CENPF: variants seen among roughly 807,000 people sequenced by gnomAD.
CENPF encodes centromere protein F, also known as AH antigen.
In CENPF, 214 loss-of-function variants were observed where a neutral mutation model predicts 307.3. The observed-to-expected ratio is 0.70, with a 90% CI of 0.62 to 0.78. The LOEUF (loss-of-function observed/expected upper bound fraction) is 0.78. Among genes scored for constraint, CENPF ranks in the 30% least tolerant of loss-of-function variants. The pLI is 0.00. For missense variants in CENPF, 3,401 were observed against 3,483.9 expected (o/e 0.98, Z 0.60); for synonymous variants, 1,259 against 1,270.6 (o/e 0.99, Z 0.19).
chr1:214,645,807 G>T lies in CENPF; in HGVS notation c.6237G>T (p.Leu2079=), dbSNP rs767384248. 6.2e-7 allele frequency: 1 copy of T among 1,614,176 alleles called. No homozygotes were observed. The highest frequency in any genetic ancestry group is 1.7e-5 in the Admixed American group (1 of 60,016). Residue 2079 remains leucine (L), a synonymous_variant, in exon 13 of 20, where the codon CTG becomes CTT. Coordinates refer to ENST00000366955, the MANE Select transcript of CENPF (RefSeq NM_016343.4). ...AATCTGAAAGCCTGCAGGCCAGACTGAGTGAATCAGATTATGAAAAGCTGA... is the reference window on the plus strand; with the variant it reads ...AATCTGAAAGCCTGCAGGCCAGACTTAGTGAATCAGATTATGAAAAGCTGA... ...VKESESLQAR[L]SESDYEKLNV...
rs1254803193 is a variant in CENPF at position 214,657,818 on chromosome 1, TTTG to T, written c.8962+415_8962+417del. On this transcript the variant is annotated intron_variant, in intron 18 of 19. Coordinates refer to ENST00000366955, the MANE Select transcript of CENPF (RefSeq NM_016343.4). ...TGACTACACTTTGTTTTGTTTTTGT[TTTG>T]TTGTTTTAATCTTGGTTTTCCCCCA... Among the ~76,000 whole-genome samples the T allele has an allele frequency of 3.9e-5, 6 of 152,312 alleles. No individual in the cohort carries two copies. In the East Asian group the frequency reaches 1.2e-3, roughly 29 times the overall value.
At chr1:214,626,524 C>T (rs1039283880) in intron 7 of CENPF, among the ~76,000 whole-genome samples, 2 of 152,170 alleles carry the variant, frequency 1.3e-5, no homozygotes, top group African/African-American at 4.8e-5. Flanking sequence ...GGAACTATGA[C>T]CTCCTTTGAT....
intron 7 of CENPF, among the ~76,000 whole-genome samples, 191 bp from the exon 8 acceptor site, chr1:214,628,855 C>T (rs1023399422): frequency 2.0e-5 from 3 of 152,078 alleles, no homozygotes; most frequent in Non-Finnish European, 4.4e-5. Flanking sequence ...TTAGACATGC[C>T]GATCTTTTTT....
At position 214,608,985 on chromosome 1, in the gene CENPF, C is replaced by T. The variant is rs561023166; in HGVS notation, c.-41-4729C>T. ...CCAGCTACGGCCCCAGACGGCAGCC[C>T]CGTTAGGAGGCCAGGGCCCAGCCCC... On this transcript the variant is annotated intron_variant, in intron 1 of 19. Coordinates refer to ENST00000366955, the MANE Select transcript of CENPF (RefSeq NM_016343.4). 847 of 801,828 alleles carry T rather than the reference C, an allele frequency of 1.1e-3. 9 individuals carry two copies. The African/African-American group carries it at 0.014, about 14-fold the overall frequency. The allele number at this position is 801,828 out of a possible 1,614,324, so 49.7% of individuals were successfully genotyped here.
Position 214,640,487 on chromosome 1 carries a change from G to C in CENPF, c.2149G>C (p.Glu717Gln), listed in dbSNP as rs369218990. The change falls in exon 12 of 20, where the codon GAA (glutamate) becomes CAA (glutamine). Residue 717 changes from glutamate (E) to glutamine (Q), a missense_variant. Transcript: ENST00000366955. The part of the protein sequence containing the change: ...AEFSDQKHQK[E>Q]IENMCLKTSQ... ...GTTCTCAGATCAGAAACATCAGAAG[G>C]AAATAGAAAATATGTGTTTGAAGAC... 1 of 1,613,954 alleles carries C rather than the reference G, an allele frequency of 6.2e-7. No individual in the cohort carries two copies. Among genetic ancestry groups the C allele is most frequent in the East Asian group, 2.2e-5 (1 of 44,880 alleles).
At chr1:214,650,290 G>A (rs1228185866) in intron 14 of CENPF, among the ~76,000 whole-genome samples, 7 of 148,574 alleles carry the variant, frequency 4.7e-5, no homozygotes, top group African/African-American at 1.7e-4. Flanking sequence ...TTGAAAGGAA[G>A]CCATTGTGGC....
chr1:214,607,759 G>C (rs770523266), intron 1 of CENPF, among the ~76,000 whole-genome samples: 5 of 152,178 alleles, frequency 3.3e-5, no homozygotes, highest in African/African-American at 4.8e-5. Context: ...CGCAGGGCTG[G>C]GGACCTGGAT....
chr1:214,648,482 T>C, intron 13 of CENPF, 193 bp from the exon 14 acceptor site: 1 of 749,468 alleles, frequency 1.3e-6, no homozygotes, highest in South Asian at 1.4e-5. Context: ...AAATCTTTTC[T>C]GGGAAGAAAA....
intron 18 of CENPF, among the ~76,000 whole-genome samples, chr1:214,658,222 T>G (rs940158381): frequency 2.6e-5 from 4 of 152,214 alleles, no homozygotes; most frequent in Non-Finnish European, 5.9e-5. Flanking sequence ...TAGTTAGCCC[T>G]GAATGCAGTT....
intron 7 of CENPF, among the ~76,000 whole-genome samples, chr1:214,623,189 T>C (rs2666833): frequency 0.82 from 124,911 of 152,184 alleles, 51,789 homozygotes; most frequent in Middle Eastern, 0.9. Context: ...CCAGCTTGGG[T>C]GACAGGGTGA....
Position 214,648,758 on chromosome 1 carries a change from A to T in CENPF, c.7914A>T (p.Glu2638Asp), listed in dbSNP as rs201700529. 48 of 1,614,074 alleles carry T rather than the reference A, an allele frequency of 3.0e-5. No homozygotes were observed. The highest frequency in any genetic ancestry group is 1.5e-4 in the Admixed American group (9 of 60,024). Residue 2638 changes from glutamate (E) to aspartate (D), a missense_variant, in exon 14 of 20, where the codon GAA becomes GAT. By Grantham distance (45) the Glu-to-Asp change is conservative (BLOSUM62 2). Transcript: ENST00000366955. Reference protein sequence around the residue: ...MAQKTAELQEELSGEKNRLAG... With the variant: ...MAQKTAELQEDLSGEKNRLAG... ...AGAAAACAGCAGAGCTGCAAGAAGAACTCAGTGGAGAGAAAAATAGGCTAG... is the reference window on the plus strand; with the variant it reads ...AGAAAACAGCAGAGCTGCAAGAAGATCTCAGTGGAGAGAAAAATAGGCTAG...
Position 214,620,905 on chromosome 1 carries a change from G to T in CENPF, c.824G>T (p.Ser275Ile), listed in dbSNP as rs1276988132. The T allele has an allele frequency of 1.2e-6, 2 of 1,613,502 alleles. No homozygotes were observed. The highest frequency in any genetic ancestry group is 1.7e-6 in the Non-Finnish European group (2 of 1,179,822). The change falls in exon 6 of 20, where the codon AGC becomes ATC. Residue 275 changes from serine (S) to isoleucine (I), a missense_variant. Coordinates refer to ENST00000366955, the MANE Select transcript of CENPF (RefSeq NM_016343.4). ...DANSSFFDNSSSPHLLDQLKA... is the reference protein window; with the variant it reads ...DANSSFFDNSISPHLLDQLKA... ...AATAGCAGTTTCTTTGACAATTCTA[G>T]CAGTCCTCATCTTTTGGATCAATTA...
At chr1:214,610,496 A>G (rs1248296511) in intron 1 of CENPF, among the ~76,000 whole-genome samples, 2 of 132,720 alleles carry the variant, frequency 1.5e-5, no homozygotes, top group Non-Finnish European at 3.2e-5. Flanking sequence ...TTTTTTTTTT[A>G]GAAAAGTGTT....
At chr1:214,614,370 A>G (rs1193604807) in intron 2 of CENPF, among the ~76,000 whole-genome samples, 1 of 152,066 alleles carries the variant, frequency 6.6e-6, no homozygotes, top group Non-Finnish European at 1.5e-5. Context: ...GGTATTCCTC[A>G]ACCTTTTCAG....
intron 3 of CENPF, among the ~76,000 whole-genome samples, chr1:214,616,598 GTTAAA>G (rs1263356248): frequency 6.6e-6 from 1 of 151,900 alleles, no homozygotes; most frequent in Non-Finnish European, 1.5e-5. Flanking sequence ...AAAATAGCAA[GTTAAA>G]TTAAATATTA....
intron 1 of CENPF, chr1:214,605,432 A>C: frequency 2.0e-6 from 1 of 499,120 alleles, no homozygotes. Flanking sequence ...AGCTAGAAGA[A>C]TCCGCTTTGT....
intron 7 of CENPF, among the ~76,000 whole-genome samples, chr1:214,625,908 A>G (rs1231407284): frequency 6.6e-6 from 1 of 152,166 alleles, no homozygotes; most frequent in Non-Finnish European, 1.5e-5. Flanking sequence ...TTCTGTACAT[A>G]CATTTAGAAC....
At chr1:214,652,702 C>A in intron 15 of CENPF, 126 bp from the exon 16 acceptor site, 1 of 756,614 alleles carries the variant, frequency 1.3e-6, no homozygotes. Flanking sequence ...CTTGGCCTCC[C>A]AAAGTGCTGG....
chr1:214,633,571 T>C (rs1345906065), intron 10 of CENPF, among the ~76,000 whole-genome samples: 1 of 152,238 alleles, frequency 6.6e-6, no homozygotes, highest in African/African-American at 2.4e-5. Flanking sequence ...AGAACAGTTA[T>C]TTGTTCAGGT....
Sources: allele counts gnomAD v4.1 joint callset (sites outside exome capture counted in the v4.1 genomes callset), GRCh38; gene constraint gnomAD v4.1.1; transcripts MANE v1.5; gene names NCBI Gene and HGNC (gene_info 2026-07-23, HGNC 2026-07-21).